Variants in ZNF827 observed in about 807,000 individuals in gnomAD.
ZNF827 encodes the protein zinc finger protein 827.
A neutral mutation model predicts 102.4 loss-of-function variants in ZNF827; 13 were observed. That is an observed-to-expected ratio of 0.13 (90% CI 0.08 to 0.20). The LOEUF (loss-of-function observed/expected upper bound fraction) is 0.20. Ranked by LOEUF, ZNF827 falls within the 10% of genes least tolerant of loss-of-function variation. ZNF827 has a pLI of 1.00. For synonymous variants in ZNF827, 523 were observed against 536.2 expected (o/e 0.98, Z 0.34); for missense variants, 1,103 against 1,344.4 (o/e 0.82, Z 2.81).
At chr4:145,778,051 G>A (rs542681159) in intron 9 of ZNF827, among the ~76,000 whole-genome samples, 9 of 151,928 alleles carry the variant, frequency 5.9e-5, no homozygotes, top group Admixed American at 2.6e-4. Flanking sequence ...GTCTTTAGTC[G>A]AATTTAAAAT....
In ZNF827 at chr4:145,869,607, C is replaced by T. The variant is rs114384898; in HGVS notation, c.1981+638G>A. ...AGAGGACAGGGCAGATAGGAGATGA[C>T]GTGGAAAAAAATCCAAACTATATGA... On this transcript the variant is annotated intron_variant, in intron 5 of 14. Transcript: ENST00000508784. 5.5e-3 allele frequency among the ~76,000 whole-genome samples: 831 copies of T among 152,046 alleles called. 5 individuals are homozygous for T. The highest frequency in any genetic ancestry group is 0.018 in the African/African-American group (759 of 41,454).
chr4:145,764,811 G>A (rs969074135), intron 13 of ZNF827, 177 bp downstream of exon 13: 1 of 780,750 alleles, frequency 1.3e-6, no homozygotes, highest in Non-Finnish European at 2.1e-6. Flanking sequence ...TGACACCCTA[G>A]GGGGACAGGT....
At chr4:145,851,695 TC>T (rs1746552357) in intron 5 of ZNF827, among the ~76,000 whole-genome samples, 1 of 151,944 alleles carries the variant, frequency 6.6e-6, no homozygotes, top group Admixed American at 6.6e-5. Flanking sequence ...TTTAGATCCC[TC>T]CCCCCTTTCC....
At chr4:145,771,450 T>C (rs1392051765) in intron 11 of ZNF827, among the ~76,000 whole-genome samples, 1 of 152,246 alleles carries the variant, frequency 6.6e-6, no homozygotes, top group Non-Finnish European at 1.5e-5. Flanking sequence ...GTATTGATAG[T>C]TGTATTTTCC....
At chr4:145,900,298 T>C (rs967496888) in intron 2 of ZNF827, among the ~76,000 whole-genome samples, 1 of 152,234 alleles carries the variant, frequency 6.6e-6, no homozygotes, top group Non-Finnish European at 1.5e-5. Flanking sequence ...TTATTAACTT[T>C]GCATAAGCTT....
At chr4:145,894,173 T>C (rs2126857551) in intron 2 of ZNF827, among the ~76,000 whole-genome samples, 1 of 152,288 alleles carries the variant, frequency 6.6e-6, no homozygotes, top group East Asian at 1.9e-4. Flanking sequence ...GCGGATATGA[T>C]GTCTGGGATT....
Position 145,899,552 on chromosome 4 carries a change from C to T in ZNF827, c.1093+2614G>A, listed in dbSNP as rs1473083277. ...TTAACTGAAAAGAGTGAGGGCATCC[C>T]CTCTTCTGTTTCCAAGCCATGCAAT... On this transcript the variant is annotated intron_variant, in intron 2 of 14. Coordinates refer to ENST00000508784, the MANE Select transcript of ZNF827 (RefSeq NM_001306215.2). Among the ~76,000 whole-genome samples the T allele has an allele frequency of 6.6e-4, 100 of 152,278 alleles. 2 individuals carry two copies. The highest frequency in any genetic ancestry group is 2.9e-5 in the Non-Finnish European group (2 of 68,030).
Position 145,779,454 on chromosome 4 carries a change from T to C in ZNF827, c.2441A>G (p.Asp814Gly). 1 of 1,614,236 alleles carries C rather than the reference T, an allele frequency of 6.2e-7. No homozygotes were observed. The highest frequency in any genetic ancestry group is 8.5e-7 in the Non-Finnish European group (1 of 1,180,048). ...ACACACGTCACAGGGAAAAAGCTGG[T>C]CATTGAATTTCCAGGATGGTAATCC... ...GNGLPSWKFN[D>G]QLFPCDVCGK... is the part of the protein sequence containing the mutation. Residue 814 changes from aspartate to glycine, a missense_variant, in exon 9 of 15, where the codon GAC becomes GGC. This residue lies in a region of ZNF827 where 242 missense variants were observed against 361.9 expected (regional missense o/e 0.67). Transcript: ENST00000508784.
At chr4:145,791,498 C>T (rs899995377) in intron 8 of ZNF827, among the ~76,000 whole-genome samples, 8 of 152,076 alleles carry the variant, frequency 5.3e-5, no homozygotes, top group Admixed American at 1.3e-4. Context: ...TTCCTGTGAA[C>T]GTATGTCATA....
intron 2 of ZNF827, among the ~76,000 whole-genome samples, chr4:145,898,788 T>C (rs1349869112): frequency 6.6e-6 from 1 of 152,104 alleles, no homozygotes; most frequent in Non-Finnish European, 1.5e-5. Context: ...AAAAGAAGAA[T>C]AAGGCCAAAC....
At chr4:145,882,132 G>C (rs1177347053) in intron 4 of ZNF827, among the ~76,000 whole-genome samples, 3 of 152,122 alleles carry the variant, frequency 2.0e-5, no homozygotes, top group Admixed American at 6.5e-5. Context: ...TTAGCTCTCC[G>C]CAGTCGGGTG....
At chr4:145,886,290 C>T in intron 3 of ZNF827, 132 bp from the exon 4 acceptor site, 4 of 1,382,992 alleles carry the variant, frequency 2.9e-6, no homozygotes, top group Non-Finnish European at 3.8e-6. Flanking sequence ...GAGCATTTCA[C>T]TATGGGGCTC....
intron 4 of ZNF827, among the ~76,000 whole-genome samples, chr4:145,879,857 T>C (rs938989990): frequency 3.3e-5 from 5 of 152,196 alleles, no homozygotes; most frequent in African/African-American, 1.2e-4. Flanking sequence ...GCCGAGTTCC[T>C]GTTTTGCTGC....
intron 1 of ZNF827, among the ~76,000 whole-genome samples, chr4:145,925,792 C>A (rs1484801141): frequency 6.6e-6 from 1 of 152,184 alleles, no homozygotes; most frequent in Non-Finnish European, 1.5e-5. Context: ...AAGTATTAAA[C>A]AATTTTAGAG....
chr4:145,933,836 C>T (rs1054422103), intron 1 of ZNF827, among the ~76,000 whole-genome samples: 6 of 151,872 alleles, frequency 4.0e-5, no homozygotes, highest in African/African-American at 1.5e-4. Context: ...TCATCCTTTC[C>T]CTCTTCAGTT....
In ZNF827 at chr4:145,911,044, T is replaced by C. The variant is rs150967401; in HGVS notation, c.44-7829A>G. Among the ~76,000 whole-genome samples, 328 of 152,322 alleles carry C rather than the reference T, an allele frequency of 2.2e-3. 4 individuals are homozygous for C. Among genetic ancestry groups the C allele is most frequent in the African/African-American group, 7.3e-3 (305 of 41,580 alleles). Reference sequence around the variant, plus strand: ...AATGGAAGAATAGGCTGAACAATCATAAAGGTAACATCTGTCAGTGATGGA... The same window carrying C: ...AATGGAAGAATAGGCTGAACAATCACAAAGGTAACATCTGTCAGTGATGGA... On this transcript the variant is annotated intron_variant, in intron 1 of 14. Coordinates refer to ENST00000508784, the MANE Select transcript of ZNF827 (RefSeq NM_001306215.2).
At chr4:145,836,158 T>A (rs1435686461) in intron 7 of ZNF827, among the ~76,000 whole-genome samples, 3 of 151,952 alleles carry the variant, frequency 2.0e-5, no homozygotes, top group Admixed American at 6.6e-5. Context: ...CCCAAATTTC[T>A]TCCTCATCTG....
rs538146718 is a variant in ZNF827, at chr4:145,841,918, T to TA, written c.2279+4037dup. Among the ~76,000 whole-genome samples, 1,040 of 142,592 alleles carry TA rather than the reference T, an allele frequency of 7.3e-3. 9 individuals are homozygous for TA. The highest frequency in any genetic ancestry group is 0.02 in the African/African-American group (734 of 37,454). 93.5% of individuals were successfully genotyped at this position (142,592 alleles called of 152,430 possible). A position where few individuals can be genotyped will look rare whatever the true frequency, so the allele number is the denominator to read the frequency against. ...AGCAGCTGAGTTTAAGTTCTTAGGA[T>TA]AAAAAAAAAAAACAAAACAAAAAAA... On this transcript the variant is annotated intron_variant, in intron 7 of 14. Transcript: ENST00000508784.
intron 2 of ZNF827, among the ~76,000 whole-genome samples, chr4:145,893,911 G>A (rs1457833988): frequency 6.6e-6 from 1 of 151,408 alleles, no homozygotes; most frequent in Non-Finnish European, 1.5e-5. Context: ...AAGAGAAGGG[G>A]TTATGGAAAA....
Sources: allele counts gnomAD v4.1 joint callset (sites outside exome capture counted in the v4.1 genomes callset), GRCh38; gene constraint gnomAD v4.1.1; regional missense constraint gnomAD v4.1.1; transcripts MANE v1.5; gene names NCBI Gene and HGNC (gene_info 2026-07-23, HGNC 2026-07-21).